Variants in XPO1 observed in about 807,000 individuals in gnomAD.
XPO1 encodes the protein exportin 1.
In XPO1, 5 loss-of-function variants were observed where a neutral mutation model predicts 133.3. The ratio of observed to expected loss-of-function variants is 0.04; its 90% CI spans 0.02 to 0.08. The LOEUF (loss-of-function observed/expected upper bound fraction) is 0.08. Among genes scored for constraint, XPO1 ranks in the 10% least tolerant of loss-of-function variants. XPO1 has a pLI of 1.00. For missense variants in XPO1, 506 were observed against 1,267.5 expected (o/e 0.40, Z 9.12); for synonymous variants, 419 against 408.2 (o/e 1.03, Z -0.32).
Position 61,478,537 on chromosome 2 carries a change from C to T in XPO1, c.*283G>A. On this transcript the variant is annotated 3_prime_UTR_variant, in exon 25 of 25. Transcript: ENST00000401558. ...AAGTATATGTTCAAATCGAATTTGCCTCCTCCCCCCAGCCCAGCCACAAAA... is the reference window on the plus strand; with the variant it reads ...AAGTATATGTTCAAATCGAATTTGCTTCCTCCCCCCAGCCCAGCCACAAAA... 1 of 347,406 alleles carries T rather than the reference C, an allele frequency of 2.9e-6. No individual in the cohort carries two copies. Among genetic ancestry groups the T allele is most frequent in the Non-Finnish European group, 5.2e-6 (1 of 193,772 alleles). 21.5% of individuals were successfully genotyped at this position (347,406 alleles called of 1,614,324 possible).
chr2:61,487,290 G>A (rs1004870436), intron 19 of XPO1, among the ~76,000 whole-genome samples: 6 of 152,084 alleles, frequency 3.9e-5, no homozygotes, highest in African/African-American at 1.2e-4. Context: ...CTCCCGACAC[G>A]TGCTCAAGCT....
chr2:61,515,919 TAAAAA>T, intron 4 of XPO1, among the ~76,000 whole-genome samples: 1 of 93,174 alleles, frequency 1.1e-5, no homozygotes. Flanking sequence ...CCATCTCTAC[TAAAAA>T]AAAAAAAAAA....
At position 61,527,497 on chromosome 2, in the gene XPO1, C is replaced by G. The variant is rs556166548; in HGVS notation, c.127-976G>C. Among the ~76,000 whole-genome samples, 11 of 151,508 alleles carry G rather than the reference C, an allele frequency of 7.3e-5. No individual in the cohort carries two copies. In the South Asian group the frequency reaches 1.9e-3, roughly 26 times the overall value. On this transcript the variant is annotated intron_variant, in intron 2 of 24. Transcript: ENST00000401558. ...AGCAGAGACCCTGTCTCTAGAAAAACAAAAAAAAGCACACCTACTTAGGTA... is the reference window on the plus strand; with the variant it reads ...AGCAGAGACCCTGTCTCTAGAAAAAGAAAAAAAAGCACACCTACTTAGGTA...
Position 61,511,236 on chromosome 2 carries a change from G to A in XPO1, c.302-8926C>T, listed in dbSNP as rs181568132. On this transcript the variant is annotated intron_variant, in intron 4 of 24. Transcript: ENST00000401558. The stretch of plus-strand genomic sequence containing the variant: ...CCTCCCAGGTTTAAGCAATTCTCCG[G>A]CCTCAGCCTTCAGAGTAGCAGGGAT... 2.0e-3 allele frequency among the ~76,000 whole-genome samples: 305 copies of A among 152,020 alleles called. 1 individual carries two copies. Among genetic ancestry groups the A allele is most frequent in the Non-Finnish European group, 3.7e-3 (252 of 67,988 alleles).
At chr2:61,526,301 A>G in intron 3 of XPO1, 119 bp downstream of exon 3, 1 of 1,457,024 alleles carries the variant, frequency 6.9e-7, no homozygotes, top group East Asian at 2.6e-5. Flanking sequence ...TTTTGAAACA[A>G]ATTAACAATA....
chr2:61,524,579 TA>T (rs958915190), intron 3 of XPO1, among the ~76,000 whole-genome samples: 1 of 152,194 alleles, frequency 6.6e-6, no homozygotes, highest in African/African-American at 2.4e-5. Context: ...CTCCCAGACA[TA>T]AAGACTTTGC....
At chr2:61,533,694 T>C (rs958280543) in intron 2 of XPO1, 78 bp downstream of exon 2, 5 of 1,330,492 alleles carry the variant, frequency 3.8e-6, no homozygotes, top group Non-Finnish European at 4.9e-6. Flanking sequence ...TTAAAGGTGA[T>C]AATTTAAAAT....
At chr2:61,484,296 T>A (rs1188482504) in intron 20 of XPO1, 191 bp from the exon 21 acceptor site, 5 of 530,734 alleles carry the variant, frequency 9.4e-6, no homozygotes, top group Admixed American at 3.6e-5. Flanking sequence ...ACTGTCCCGT[T>A]ACGCACATGA....
At chr2:61,482,708 C>T in intron 22 of XPO1, 169 bp from the exon 23 acceptor site, 1 of 772,242 alleles carries the variant, frequency 1.3e-6, no homozygotes, top group South Asian at 2.0e-5. Flanking sequence ...TCGGTCCAAG[C>T]CATTCTCCTG....
At chr2:61,516,556 A>G (rs993234623) in intron 4 of XPO1, among the ~76,000 whole-genome samples, 3 of 151,830 alleles carry the variant, frequency 2.0e-5, no homozygotes, top group Admixed American at 2.0e-4. Flanking sequence ...CTGGGATTAC[A>G]GGCATGCGCC....
At chr2:61,482,775 T>C in intron 22 of XPO1, 182 bp downstream of exon 22, 1 of 801,578 alleles carries the variant, frequency 1.2e-6, no homozygotes, top group Non-Finnish European at 1.9e-6. Flanking sequence ...CCAGTATTTT[T>C]ATTGTATCTT....
At chr2:61,487,206 T>C (rs1696738509) in intron 19 of XPO1, among the ~76,000 whole-genome samples, 8 of 152,118 alleles carry the variant, frequency 5.3e-5, no homozygotes, top group Admixed American at 5.2e-4. Context: ...ACACAATGTT[T>C]CATGTGAACA....
At chr2:61,527,943 T>A (rs975428034) in intron 2 of XPO1, among the ~76,000 whole-genome samples, 1 of 151,450 alleles carries the variant, frequency 6.6e-6, no homozygotes, top group Non-Finnish European at 1.5e-5. Context: ...TTTTTTTTTT[T>A]AAAGTTGGAG....
At chr2:61,508,727 T>C (rs1316361496) in intron 4 of XPO1, among the ~76,000 whole-genome samples, 1 of 152,192 alleles carries the variant, frequency 6.6e-6, no homozygotes, top group Non-Finnish European at 1.5e-5. Context: ...GAGAACAAAT[T>C]AATTCAAATG....
chr2:61,493,688 A>C, intron 12 of XPO1: 1 of 542,870 alleles, frequency 1.8e-6, no homozygotes, highest in South Asian at 2.4e-5. Context: ...ATCACAACCA[A>C]TGTTGATACT....
chr2:61,478,336 T>C lies in XPO1; in HGVS notation c.*484A>G, dbSNP rs1257843076. On this transcript the variant is annotated 3_prime_UTR_variant, in exon 25 of 25. Transcript: ENST00000401558. ...TAATACATGTAGTCTAGACAAACGA[T>C]TCAGTCCAAGAGGTGCTAACTTCAG... is the stretch of plus-strand genomic sequence containing the variant. 2 of 235,110 alleles carry C rather than the reference T, an allele frequency of 8.5e-6. No homozygotes were observed. The highest frequency in any genetic ancestry group is 1.1e-4 in the Admixed American group (2 of 17,882). The allele number at this position is 235,110 out of a possible 1,614,324, so 14.6% of individuals were successfully genotyped here.
chr2:61,495,572 A>G lies in XPO1; in HGVS notation c.930T>C (p.Asn310=), dbSNP rs1489597321. 1.3e-6 allele frequency: 2 copies of G among 1,592,730 alleles called. No individual in the cohort carries two copies. The highest frequency in any genetic ancestry group is 3.4e-5 in the Admixed American group (2 of 59,026). Residue 310 remains asparagine (N), a synonymous_variant, in exon 11 of 25, where the codon AAT becomes AAC. Coordinates refer to ENST00000401558, the MANE Select transcript of XPO1 (RefSeq NM_003400.4). The part of the protein sequence containing the change: ...LNTNIRLAYS[N]GKDDEQNFIQ... ...TGAAGTTCTGTTCATCATCTTTTCC[A>G]TTTGAGTACGCAAGTCGAATATTGG...
rs1383854974 is a variant in XPO1, at chr2:61,537,996, C to A, written c.-441G>T. On this transcript the variant is annotated 5_prime_UTR_variant, in exon 1 of 25. Transcript: ENST00000401558. ...CTGCTGCCAGTTGCAGTCCGACTCC[C>A]CCCTACCAAAACACGGCTCCCTCTC... 1.2e-5 allele frequency: 2 copies of A among 161,116 alleles called. No individual in the cohort carries two copies. The highest frequency in any genetic ancestry group is 3.6e-4 in the South Asian group (2 of 5,592). The allele number at this position is 161,116 out of a possible 1,614,324, so 10.0% of individuals were successfully genotyped here.
intron 3 of XPO1, among the ~76,000 whole-genome samples, chr2:61,523,001 A>G (rs932285602): frequency 2.6e-5 from 4 of 152,236 alleles, no homozygotes; most frequent in African/African-American, 9.6e-5. Context: ...GCAGCCAGAT[A>G]TGAATTCACA....
Sources: allele counts gnomAD v4.1 joint callset (sites outside exome capture counted in the v4.1 genomes callset), GRCh38; gene constraint gnomAD v4.1.1; transcripts MANE v1.5; gene names NCBI Gene and HGNC (gene_info 2026-07-23, HGNC 2026-07-21).